Variants in USP34 observed in about 807,000 individuals in gnomAD.
The protein encoded by USP34 is ubiquitin carboxyl-terminal hydrolase 34.
A neutral mutation model predicts 460.3 loss-of-function variants in USP34; 70 were observed. The observed-to-expected ratio is 0.15, with a 90% CI of 0.13 to 0.19. The LOEUF is 0.19. Ranked by LOEUF, USP34 falls within the 10% of genes least tolerant of loss-of-function variation. USP34 has a pLI of 1.00. For missense variants in USP34, 3,985 were observed against 4,236.2 expected, an observed-to-expected ratio of 0.94 and a Z score of 1.65; for synonymous variants, 1,647 against 1,405.3, an observed-to-expected ratio of 1.17 and a Z score of -3.85.
At chr2:61,275,493 G>A (rs925670549) in intron 41 of USP34, among the ~76,000 whole-genome samples, 14 of 151,856 alleles carry the variant, frequency 9.2e-5, no homozygotes, top group African/African-American at 4.8e-5. Context: ...GTGTGATGGC[G>A]TATGCCTATA....
intron 1 of USP34, among the ~76,000 whole-genome samples, chr2:61,462,193 C>T (rs991410704): frequency 6.7e-6 from 1 of 150,142 alleles, no homozygotes; most frequent in Admixed American, 6.7e-5. Flanking sequence ...GAGCCAAGAT[C>T]AGGCCATCGC....
intron 33 of USP34, among the ~76,000 whole-genome samples, chr2:61,293,114 TAAAA>T (rs934735486): frequency 8.6e-5 from 13 of 151,934 alleles, no homozygotes; most frequent in Middle Eastern, 3.4e-3. Flanking sequence ...CACAACAAAA[TAAAA>T]CAAAAAAAGT....
intron 5 of USP34, among the ~76,000 whole-genome samples, chr2:61,393,044 A>G (rs1034805779): frequency 6.6e-6 from 1 of 152,360 alleles, no homozygotes. Flanking sequence ...CAAGTGTTAC[A>G]TTATGAGTTT....
intron 57 of USP34, among the ~76,000 whole-genome samples, chr2:61,235,195 G>C (rs922027614): frequency 6.6e-6 from 1 of 151,892 alleles, no homozygotes; most frequent in African/African-American, 2.4e-5. Flanking sequence ...AAATCATTTT[G>C]TATACCTTGA....
intron 74 of USP34, 85 bp downstream of exon 74, chr2:61,204,164 ACTTAAGT>A: frequency 1.3e-6 from 2 of 1,517,166 alleles, no homozygotes; most frequent in East Asian, 4.6e-5. Flanking sequence ...AAAATTGGTC[ACTTAAGT>A]CTAACCTATT....
At chr2:61,435,699 AC>A (rs1326427224) in intron 1 of USP34, among the ~76,000 whole-genome samples, 23 of 152,198 alleles carry the variant, frequency 1.5e-4, no homozygotes, top group Non-Finnish European at 5.9e-5. Context: ...TATCAATAAT[AC>A]CTTGAGCACA....
intron 5 of USP34, among the ~76,000 whole-genome samples, chr2:61,391,784 A>C (rs1693354557): frequency 6.6e-6 from 1 of 152,208 alleles, no homozygotes; most frequent in Non-Finnish European, 1.5e-5. Context: ...AAAGAACTCT[A>C]AGCTCTTAAT....
chr2:61,423,707 G>C (rs1039617800), intron 1 of USP34, among the ~76,000 whole-genome samples: 1 of 152,190 alleles, frequency 6.6e-6, no homozygotes, highest in African/African-American at 2.4e-5. Flanking sequence ...GCTTTGGTAG[G>C]TTGAGGCAGG....
chr2:61,420,683 A>G, intron 2 of USP34, 63 bp downstream of exon 2: 1 of 1,291,956 alleles, frequency 7.7e-7, no homozygotes, highest in Non-Finnish European at 1.1e-6. Context: ...ATGTGACAAT[A>G]AAAATCGCAA....
chr2:61,396,986 A>C (rs1357270420), intron 3 of USP34, among the ~76,000 whole-genome samples: 3 of 152,198 alleles, frequency 2.0e-5, no homozygotes, highest in Non-Finnish European at 2.9e-5. Context: ...TTACATACAG[A>C]CAAAACACCT....
chr2:61,230,011 A>G (rs1687843576), intron 58 of USP34, among the ~76,000 whole-genome samples: 1 of 152,140 alleles, frequency 6.6e-6, no homozygotes, highest in Non-Finnish European at 1.5e-5. Flanking sequence ...AGCTAGGAGA[A>G]GGAAATGTGA....
At chr2:61,303,818 A>G (rs1007590382) in intron 27 of USP34, among the ~76,000 whole-genome samples, 1 of 150,878 alleles carries the variant, frequency 6.6e-6, no homozygotes, top group African/African-American at 2.4e-5. Context: ...GGATGGTGTT[A>G]TCTCCTGACC....
chr2:61,408,786 A>C (rs1693954552), intron 2 of USP34, among the ~76,000 whole-genome samples: 1 of 152,028 alleles, frequency 6.6e-6, no homozygotes, highest in Non-Finnish European at 1.5e-5. Flanking sequence ...CCAGATACTG[A>C]GGAGGCTGAG....
chr2:61,196,784 C>T (rs1039329581), intron 75 of USP34, among the ~76,000 whole-genome samples: 8 of 151,968 alleles, frequency 5.3e-5, no homozygotes, highest in Non-Finnish European at 1.0e-4. Flanking sequence ...CCAGCTGCCT[C>T]GGTTTTACGG....
intron 2 of USP34, among the ~76,000 whole-genome samples, chr2:61,406,657 TCTCTCTCC>T (rs1232387726): frequency 1.3e-5 from 2 of 149,350 alleles, no homozygotes; most frequent in East Asian, 3.9e-4. Context: ...TCTTTCTCTC[TCTCTCTCC>T]CCCCCAAGCT....
At chr2:61,352,822 G>C (rs1691982863) in intron 10 of USP34, among the ~76,000 whole-genome samples, 1 of 152,036 alleles carries the variant, frequency 6.6e-6, no homozygotes, top group African/African-American at 2.4e-5. Context: ...GGAGGATGAA[G>C]AAACAAAGAT....
intron 20 of USP34, among the ~76,000 whole-genome samples, chr2:61,326,777 A>ATTTTTTT (rs35060068): frequency 9.7e-6 from 1 of 103,032 alleles, no homozygotes; most frequent in Non-Finnish European, 1.9e-5. Context: ...GTCAATGGGC[A>ATTTTTTT]TTTTTTTTTT....
At chr2:61,221,050 G>C (rs561630734) in intron 66 of USP34, among the ~76,000 whole-genome samples, 1 of 152,178 alleles carries the variant, frequency 6.6e-6, no homozygotes, top group Non-Finnish European at 1.5e-5. Context: ...GACACTGTAT[G>C]CCACACAAAG....
intron 1 of USP34, among the ~76,000 whole-genome samples, chr2:61,460,045 G>T (rs999446024): frequency 1.3e-5 from 2 of 152,140 alleles, no homozygotes; most frequent in Non-Finnish European, 2.9e-5. Context: ...CTGAGCGACA[G>T]AGCAAGACTC....
Sources: allele counts gnomAD v4.1 joint callset (sites outside exome capture counted in the v4.1 genomes callset), GRCh38; gene constraint gnomAD v4.1.1; transcripts MANE v1.5; gene names NCBI Gene and HGNC (gene_info 2026-07-23, HGNC 2026-07-21).